Variants in RGL1 observed in about 807,000 individuals in gnomAD.
The protein encoded by RGL1 is ral guanine nucleotide dissociation stimulator like 1.
RGL1 carries 24 observed loss-of-function variants against 95.2 expected under a neutral mutation model. The observed-to-expected ratio is 0.25, with a 90% CI of 0.18 to 0.35. The LOEUF (loss-of-function observed/expected upper bound fraction) is 0.35. Among genes scored for constraint, RGL1 ranks in the 10% least tolerant of loss-of-function variants. The pLI is 1.00. For synonymous variants in RGL1, 329 were observed against 344.9 expected, an observed-to-expected ratio of 0.95 and a Z score of 0.51; for missense variants, 715 against 936.3, an observed-to-expected ratio of 0.76 and a Z score of 3.08.
chr1:183,718,968 G>C (rs529086106), intron 1 of RGL1, among the ~76,000 whole-genome samples: 1 of 152,184 alleles, frequency 6.6e-6, no homozygotes, highest in African/African-American at 2.4e-5. Context: ...AAGCACCTAA[G>C]AAGGAGGAAA....
Position 183,883,910 on chromosome 1 carries a change from A to C in RGL1, c.735A>C (p.Ala245=). The C allele has an allele frequency of 3.1e-6, 5 of 1,613,836 alleles. No homozygotes were observed. The highest frequency in any genetic ancestry group is 4.2e-6 in the Non-Finnish European group (5 of 1,179,758). ...LVAEQLTYMD[A]QLFKKVVPHH... ...CAGAGCAGCTGACCTACATGGATGC[A>C]GTATGTCTTCTCTTTGTGATCAGAT... The change falls in exon 6 of 18, where the codon GCA becomes GCC. Residue 245 remains alanine (A), a splice_region_variant and synonymous_variant. Coordinates refer to ENST00000360851, the MANE Select transcript of RGL1 (RefSeq NM_001297671.3).
rs1280163052 is a variant in RGL1, at chr1:183,833,954, ATC to A, written c.139-13604_139-13603del. Among the ~76,000 whole-genome samples the A allele has an allele frequency of 7.3e-4, 91 of 124,344 alleles. 1 individual carries two copies. Among genetic ancestry groups the A allele is most frequent in the African/African-American group, 2.9e-3 (90 of 31,002 alleles). 81.6% of individuals were successfully genotyped at this position (124,344 alleles called of 152,430 possible). On this transcript the variant is annotated intron_variant, in intron 2 of 17. Transcript: ENST00000360851. ...TGCATATGATGATGAAATGAGCCAT[ATC>A]TCTCTCTGTTTTTTTTTTTTTTTAG...
At chr1:183,677,184 C>A (rs1423936723) in intron 1 of RGL1, among the ~76,000 whole-genome samples, 1 of 151,188 alleles carries the variant, frequency 6.6e-6, no homozygotes, top group Admixed American at 6.6e-5. Flanking sequence ...TATTCCAAAT[C>A]GTATTTTTGC....
intron 7 of RGL1, 63 bp downstream of exon 7, chr1:183,885,001 C>A: frequency 7.2e-7 from 1 of 1,391,330 alleles, no homozygotes; most frequent in Non-Finnish European, 1.0e-6. Context: ...TCCATCACTT[C>A]GTTTAAATGG....
intron 1 of RGL1, among the ~76,000 whole-genome samples, chr1:183,655,125 G>A (rs6693049): frequency 0.082 from 12,455 of 152,206 alleles, 1,005 homozygotes; most frequent in African/African-American, 0.21. Flanking sequence ...TATTTATGTA[G>A]AGATATTATG....
intron 3 of RGL1, among the ~76,000 whole-genome samples, chr1:183,854,627 A>G (rs1024064149): frequency 1.3e-5 from 2 of 152,086 alleles, no homozygotes; most frequent in African/African-American, 4.8e-5. Flanking sequence ...GAATTTTAGG[A>G]TACATTATGG....
chr1:183,774,134 C>T (rs1659458222), intron 2 of RGL1, among the ~76,000 whole-genome samples: 1 of 152,078 alleles, frequency 6.6e-6, no homozygotes, highest in African/African-American at 2.4e-5. Flanking sequence ...GACAAGTAAT[C>T]CTTTTGGACA....
intron 1 of RGL1, among the ~76,000 whole-genome samples, chr1:183,691,569 T>C (rs1020218658): frequency 1.3e-5 from 2 of 152,190 alleles, no homozygotes; most frequent in African/African-American, 4.8e-5. Context: ...GTTGTTAAGT[T>C]TATGCAAACG....
chr1:183,789,354 G>A (rs1191475298), intron 2 of RGL1, among the ~76,000 whole-genome samples: 1 of 152,232 alleles, frequency 6.6e-6, no homozygotes, highest in Non-Finnish European at 1.5e-5. Flanking sequence ...GGAGGCTAAG[G>A]CAGGAGAATT....
At position 183,869,648 on chromosome 1, in the gene RGL1, T is replaced by C. The variant is rs1008987082; in HGVS notation, c.425+3575T>C. On this transcript the variant is annotated intron_variant, in intron 4 of 17. Transcript: ENST00000360851. Reference sequence around the variant, plus strand: ...TGTTTTTTCCCCACATCTTTTATTGTTTTTCATCTCACTTCACTATTATTT... The same window carrying C: ...TGTTTTTTCCCCACATCTTTTATTGCTTTTCATCTCACTTCACTATTATTT... Among the ~76,000 whole-genome samples, 9 of 152,306 alleles carry C rather than the reference T, an allele frequency of 5.9e-5. No homozygotes were observed. The South Asian group carries it at 1.9e-3, about 32-fold the overall frequency.
chr1:183,817,547 C>T (rs559773415), intron 2 of RGL1, among the ~76,000 whole-genome samples: 2 of 152,252 alleles, frequency 1.3e-5, no homozygotes, highest in Non-Finnish European at 2.9e-5. Context: ...TATGGGATCC[C>T]CCTGAGCATC....
intron 1 of RGL1, among the ~76,000 whole-genome samples, chr1:183,706,046 G>T (rs569584431): frequency 1.3e-5 from 2 of 152,224 alleles, no homozygotes; most frequent in East Asian, 3.9e-4. Context: ...AGGAAAGGTT[G>T]CATGTTTTAA....
chr1:183,683,300 G>C (rs145113171), intron 1 of RGL1, among the ~76,000 whole-genome samples: 58 of 152,194 alleles, frequency 3.8e-4, no homozygotes, highest in African/African-American at 1.3e-3. Flanking sequence ...TTTTGCAGTG[G>C]GAGGTACCAG....
chr1:183,641,208 T>C (rs1649900243), intron 1 of RGL1, among the ~76,000 whole-genome samples: 1 of 152,134 alleles, frequency 6.6e-6, no homozygotes, highest in South Asian at 2.1e-4. Context: ...GATCTTGGCT[T>C]ACTGCAGCCT....
At chr1:183,868,007 A>T (rs983250337) in intron 4 of RGL1, among the ~76,000 whole-genome samples, 2 of 152,206 alleles carry the variant, frequency 1.3e-5, no homozygotes, top group Non-Finnish European at 2.9e-5. Context: ...TAGGTATTTG[A>T]ATGTCAAGCA....
intron 5 of RGL1, among the ~76,000 whole-genome samples, 177 bp from the exon 6 acceptor site, chr1:183,883,609 A>G (rs1251115988): frequency 1.3e-5 from 2 of 152,242 alleles, no homozygotes; most frequent in South Asian, 2.1e-4. Context: ...TCTAAGAACA[A>G]GCAGAGATGG....
intron 1 of RGL1, among the ~76,000 whole-genome samples, chr1:183,707,016 T>G (rs1654957493): frequency 6.6e-6 from 1 of 152,150 alleles, no homozygotes; most frequent in South Asian, 2.1e-4. Flanking sequence ...GTCGGGACCT[T>G]GGGTGATTTC....
exon 2 of RGL1, chr1:183,742,146 G>A (rs769907439): frequency 6.2e-7 from 1 of 1,613,822 alleles, no homozygotes; most frequent in Non-Finnish European, 8.5e-7. Flanking sequence ...CCTCCTGCCT[G>A]CCTCTTTCAA....
intron 3 of RGL1, among the ~76,000 whole-genome samples, chr1:183,856,115 A>G (rs1665125050): frequency 6.6e-6 from 1 of 152,172 alleles, no homozygotes; most frequent in Admixed American, 6.5e-5. Flanking sequence ...CTAGCTTAAC[A>G]TACAATCATA....
Sources: gnomAD v4.1 joint callset for allele counts (sites outside exome capture counted in the v4.1 genomes callset) on GRCh38, gnomAD v4.1.1 for gene constraint, MANE v1.5 for transcripts, NCBI Gene and HGNC (gene_info 2026-07-23, HGNC 2026-07-21) for gene names.